SAMD3: variants seen among roughly 807,000 people sequenced by gnomAD.
SAMD3 encodes the protein sterile alpha motif domain-containing protein 3.
In SAMD3, 63 loss-of-function variants were observed where a neutral mutation model predicts 58.5. That is an observed-to-expected ratio of 1.08 (90% CI 0.88 to 1.33). The LOEUF is 1.33. SAMD3 is among the 40% of genes most tolerant of loss of function. The pLI, the probability that SAMD3 is intolerant of heterozygous loss-of-function variation, is 0.00. For missense variants in SAMD3, 604 were observed against 608.4 expected (o/e 0.99, Z 0.08); for synonymous variants, 220 against 210.3 (o/e 1.05, Z -0.40).
At chr6:130,170,005 A>C (rs1195297110) in intron 8 of SAMD3, among the ~76,000 whole-genome samples, 1 of 152,236 alleles carries the variant, frequency 6.6e-6, no homozygotes, top group Non-Finnish European at 1.5e-5. Flanking sequence ...TAACTTATGC[A>C]TAATGTAATG....
chr6:130,359,553 G>T (rs1257761340), intron 1 of SAMD3, among the ~76,000 whole-genome samples: 1 of 152,094 alleles, frequency 6.6e-6, no homozygotes, highest in Non-Finnish European at 1.5e-5. Context: ...TTTGAACAAA[G>T]GATTTCTGAT....
intron 8 of SAMD3, 86 bp downstream of exon 8, chr6:130,175,755 A>T: frequency 1.1e-6 from 1 of 881,852 alleles, no homozygotes; most frequent in Non-Finnish European, 1.7e-6. Flanking sequence ...ATTTTGTTTT[A>T]ATTATTTTAA....
At chr6:130,292,065 G>T (rs1468813166) in intron 2 of SAMD3, among the ~76,000 whole-genome samples, 1 of 152,056 alleles carries the variant, frequency 6.6e-6, no homozygotes, top group Non-Finnish European at 1.5e-5. Context: ...ACTAAATTAT[G>T]AATAAGAAGT....
intron 2 of SAMD3, among the ~76,000 whole-genome samples, chr6:130,276,475 A>T (rs1774779101): frequency 6.6e-6 from 1 of 152,186 alleles, no homozygotes; most frequent in Admixed American, 6.5e-5. Flanking sequence ...AGTGGGTGGA[A>T]TAATATGAGT....
intron 1 of SAMD3, among the ~76,000 whole-genome samples, chr6:130,352,996 C>T (rs1777725292): frequency 6.6e-6 from 1 of 152,168 alleles, no homozygotes; most frequent in African/African-American, 2.4e-5. Context: ...AGAGTAAATA[C>T]TTCTTGTTCC....
In SAMD3 at chr6:130,339,335, C is replaced by G. The variant is rs570572881; in HGVS notation, c.-304+25785G>C. 3.7e-4 allele frequency among the ~76,000 whole-genome samples: 57 copies of G among 152,318 alleles called. 1 individual carries two copies. Among genetic ancestry groups the G allele is most frequent in the African/African-American group, 1.3e-3 (54 of 41,572 alleles). On this transcript the variant is annotated intron_variant, in intron 1 of 13. Coordinates refer to the SAMD3 transcript ENST00000368134. ...GTGCTGGGATTACAGGTGTGAGCCACTGCTCCCAGCCCCGAATCTCATCTT... is the reference window on the plus strand; with the variant it reads ...GTGCTGGGATTACAGGTGTGAGCCAGTGCTCCCAGCCCCGAATCTCATCTT...
intron 5 of SAMD3, among the ~76,000 whole-genome samples, chr6:130,189,269 C>G (rs1174237377): frequency 1.3e-5 from 2 of 152,004 alleles, no homozygotes; most frequent in Non-Finnish European, 2.9e-5. Context: ...TAAGGTTGGG[C>G]CCTGAGATGA....
intron 1 of SAMD3, among the ~76,000 whole-genome samples, chr6:130,219,278 C>A (rs142938307): frequency 6.6e-6 from 1 of 152,214 alleles, no homozygotes; most frequent in Admixed American, 6.5e-5. Flanking sequence ...TGTCTCTATA[C>A]GTTATGCTAA....
At chr6:130,279,648 C>T (rs574179268) in intron 2 of SAMD3, among the ~76,000 whole-genome samples, 12 of 152,178 alleles carry the variant, frequency 7.9e-5, no homozygotes, top group Non-Finnish European at 1.6e-4. Flanking sequence ...GCAGGCCTGG[C>T]TAATTTTTGT....
intron 1 of SAMD3, among the ~76,000 whole-genome samples, chr6:130,325,235 A>G (rs1236095916): frequency 1.3e-5 from 2 of 152,182 alleles, no homozygotes; most frequent in African/African-American, 4.8e-5. Flanking sequence ...ATTGACTCAT[A>G]TGATTATGGA....
rs541531195 is a variant in SAMD3 at position 130,258,748 on chromosome 6, C to G, written c.-187-35935G>C. On this transcript the variant is annotated intron_variant, in intron 2 of 13. Coordinates refer to the SAMD3 transcript ENST00000368134. The stretch of plus-strand genomic sequence containing the variant: ...TTTTTAGAATTTCTATATAAATATA[C>G]TTTTAGAATTTTATTTTGGGAAGAT... Among the ~76,000 whole-genome samples the G allele has an allele frequency of 1.1e-4, 17 of 152,086 alleles. No individual in the cohort carries two copies. The South Asian group carries it at 3.5e-3, about 32-fold the overall frequency.
At chr6:130,310,657 A>T (rs1776119069) in intron 2 of SAMD3, among the ~76,000 whole-genome samples, 1 of 152,248 alleles carries the variant, frequency 6.6e-6, no homozygotes, top group Admixed American at 6.5e-5. Flanking sequence ...ACTGAATTCA[A>T]AATTACAGTA....
Position 130,244,450 on chromosome 6 carries a change from G to T in SAMD3, c.-187-21637C>A, listed in dbSNP as rs149271378. Among the ~76,000 whole-genome samples the T allele has an allele frequency of 6.5e-4, 99 of 152,162 alleles. No individual in the cohort carries two copies. The South Asian group carries it at 0.017, about 27-fold the overall frequency. ...TTAGTTTGTTCACCTACAAAATAGC[G>T]CAGTAGGGCTGGGCATGGTGGCCCA... On this transcript the variant is annotated intron_variant, in intron 2 of 13. Coordinates refer to the SAMD3 transcript ENST00000368134.
At chr6:130,184,774 T>C in intron 5 of SAMD3, 151 bp from the exon 6 acceptor site, 1 of 600,810 alleles carries the variant, frequency 1.7e-6, no homozygotes, top group Non-Finnish European at 2.9e-6. Flanking sequence ...CATTCATCCA[T>C]CCACAAATGT....
chr6:130,347,653 G>A (rs907315991), intron 1 of SAMD3, among the ~76,000 whole-genome samples: 1 of 152,186 alleles, frequency 6.6e-6, no homozygotes, highest in Admixed American at 6.5e-5. Context: ...AACACACTTT[G>A]CAGGATATTA....
At chr6:130,204,665 A>T (rs1582915567) in intron 5 of SAMD3, among the ~76,000 whole-genome samples, 1 of 151,278 alleles carries the variant, frequency 6.6e-6, no homozygotes, top group Admixed American at 6.6e-5. Flanking sequence ...ACAGCACTCT[A>T]GTGTTTCCTT....
chr6:130,267,720 G>C (rs1008852467), intron 2 of SAMD3, among the ~76,000 whole-genome samples: 1 of 152,156 alleles, frequency 6.6e-6, no homozygotes. Flanking sequence ...ACAGATTCCA[G>C]ACATTGTATA....
At chr6:130,156,504 G>A (rs1040196796) in intron 8 of SAMD3, among the ~76,000 whole-genome samples, 27 of 152,128 alleles carry the variant, frequency 1.8e-4, no homozygotes, top group Non-Finnish European at 2.4e-4. Flanking sequence ...TTATACCTCA[G>A]AAACTCAAGG....
chr6:130,198,856 T>A (rs1794388449), intron 5 of SAMD3, among the ~76,000 whole-genome samples: 1 of 152,166 alleles, frequency 6.6e-6, no homozygotes, highest in Non-Finnish European at 1.5e-5. Context: ...TTGCACCCCA[T>A]GTGGCTTTAT....
Sources: allele counts gnomAD v4.1 joint callset (sites outside exome capture counted in the v4.1 genomes callset), GRCh38; gene constraint gnomAD v4.1.1; transcripts MANE v1.5; gene names NCBI Gene and HGNC (gene_info 2026-07-23, HGNC 2026-07-21).